ANKRD13D: variants seen among roughly 807,000 people sequenced by gnomAD.
The protein encoded by ANKRD13D is ankyrin repeat domain 13D, also known as ankyrin repeat domain-containing protein 13D.
A neutral mutation model predicts 68.8 loss-of-function variants in ANKRD13D; 24 were observed. The observed-to-expected ratio is 0.35, with a 90% CI of 0.25 to 0.49. The LOEUF (loss-of-function observed/expected upper bound fraction) is 0.49, where lower values mean the gene tolerates loss of function less well. ANKRD13D is among the 20% of genes least tolerant of loss of function. The pLI is 0.99. For synonymous variants in ANKRD13D, 331 were observed against 336.1 expected, an observed-to-expected ratio of 0.98 and a Z score of 0.16; for missense variants, 735 against 832.1, an observed-to-expected ratio of 0.88 and a Z score of 1.44.
chr11:67,292,477 C>G (rs1860602845), intron 6 of ANKRD13D, among the ~76,000 whole-genome samples: 1 of 152,106 alleles, frequency 6.6e-6, no homozygotes, highest in Non-Finnish European at 1.5e-5. Context: ...TTCACGGCAG[C>G]TCTTTGCACC....
chr11:67,291,797 G>A (rs778335339), intron 5 of ANKRD13D, 51 bp downstream of exon 5: 23 of 1,600,482 alleles, frequency 1.4e-5, no homozygotes, highest in East Asian at 1.3e-4. Context: ...GGTTTCCTGC[G>A]GCTTGGGAGG....
chr11:67,301,127 C>G lies in ANKRD13D; in HGVS notation c.1211C>G (p.Pro404Arg), dbSNP rs1479077906. Reference protein sequence around the residue: ...LRDFITLRLPPGFPVKIEIPL... With the variant: ...LRDFITLRLPRGFPVKIEIPL... ...GACTTCATCACTCTGCGCCTTCCAC[C>G]TGGCTTCCCCGTCAAAATTGGTGAG... Residue 404 changes from proline to arginine, a missense_variant, in exon 11 of 15, where the codon CCT becomes CGT. Physicochemically the swap from Pro to Arg is moderately radical, Grantham distance 103. Coordinates refer to ENST00000511455, the MANE Select transcript of ANKRD13D (RefSeq NM_207354.3). This position sits in a 1 kb window ranked among gnomAD's most constrained non-coding sequence, Gnocchi z 4.5. The G allele has an allele frequency of 6.2e-7, 1 of 1,613,912 alleles. No individual in the cohort carries two copies. Among genetic ancestry groups the G allele is most frequent in the Non-Finnish European group, 8.5e-7 (1 of 1,179,902 alleles).
At position 67,299,217 on chromosome 11, in the gene ANKRD13D, T is replaced by C. The variant is rs1860878157; in HGVS notation, c.798+93T>C. 1.3e-6 allele frequency: 2 copies of C among 1,494,020 alleles called. No homozygotes were observed. The highest frequency in any genetic ancestry group is 1.9e-6 in the Non-Finnish European group (2 of 1,080,436). The allele number at this position is 1,494,020 out of a possible 1,614,324, so 92.5% of individuals were successfully genotyped here. A position where few individuals can be genotyped will look rare whatever the true frequency, so the allele number is the denominator to read the frequency against. ...ATCCATCCCAGAGTAGCCCCTGGGC[T>C]CTGGAAACCCTGAGCATTTGTGGGA... On this transcript the variant is annotated intron_variant, in intron 7 of 14. Coordinates refer to ENST00000511455, the MANE Select transcript of ANKRD13D (RefSeq NM_207354.3). The surrounding 1 kb of genome is among the most constrained non-coding windows in gnomAD (Gnocchi z 6.2).
intron 6 of ANKRD13D, among the ~76,000 whole-genome samples, chr11:67,297,718 G>A (rs939064782): frequency 6.7e-6 from 1 of 149,884 alleles, no homozygotes; most frequent in Non-Finnish European, 1.5e-5. Flanking sequence ...GTGGAGATGG[G>A]GTTTCACTGT....
intron 6 of ANKRD13D, among the ~76,000 whole-genome samples, chr11:67,297,360 A>AT (rs563430838): frequency 6.7e-6 from 1 of 149,102 alleles, no homozygotes. Flanking sequence ...GCGCCAGCTA[A>AT]TTTTTTCTGT....
Position 67,301,839 on chromosome 11 carries a change from G to C in ANKRD13D, c.1604+16G>C. 1.3e-6 allele frequency: 2 copies of C among 1,574,424 alleles called. No homozygotes were observed. Among genetic ancestry groups the C allele is most frequent in the East Asian group, 2.3e-5 (1 of 43,404 alleles). ...AGCTGGAGCGGTGAGCCCCTCATGG[G>C]GCTGGCTGGGTCCCTGTCCCCCCAG... is the stretch of plus-strand genomic sequence containing the variant. On this transcript the variant is annotated intron_variant, in intron 14 of 14. Transcript: ENST00000511455. The surrounding 1 kb of genome is among the most constrained non-coding windows in gnomAD (Gnocchi z 4.5).
In ANKRD13D at chr11:67,299,412, T is replaced by G; in HGVS notation, c.799-118T>G. 1.1e-6 allele frequency: 1 copy of G among 907,872 alleles called. No homozygotes were observed. Among genetic ancestry groups the G allele is most frequent in the Non-Finnish European group, 1.7e-6 (1 of 592,990 alleles). The allele number at this position is 907,872 out of a possible 1,614,324, so 56.2% of individuals were successfully genotyped here. ...GTTCAGACCCTGCCACCTCCTCCAT[T>G]TTGGGGAGCAAGATCTCATCTGTCT... On this transcript the variant is annotated intron_variant, in intron 7 of 14. Transcript: ENST00000511455. This position sits in a 1 kb window ranked among gnomAD's most constrained non-coding sequence, Gnocchi z 6.2.
In ANKRD13D at chr11:67,300,520, C is replaced by A; in HGVS notation, c.1073+397C>A. On this transcript the variant is annotated intron_variant, in intron 10 of 14. Transcript: ENST00000511455. The surrounding 1 kb of genome is among the most constrained non-coding windows in gnomAD (Gnocchi z 4.3). ...AGCAGGTATAGGCGGTAACAGCAGG[C>A]ACAGTGCCTGCACAAGCCTAGCGCT... The A allele has an allele frequency of 3.1e-6, 1 of 327,052 alleles. No homozygotes were observed. The allele number at this position is 327,052 out of a possible 1,614,324, so 20.3% of individuals were successfully genotyped here. A position where few individuals can be genotyped will look rare whatever the true frequency, so the allele number is the denominator to read the frequency against.
Position 67,300,365 on chromosome 11 carries a change from T to C in ANKRD13D, c.1073+242T>C. Reference sequence around the variant, plus strand: ...GGTGCCACCCATGTATGGTTTTCTATTGAATTTCATGAGTACCTGCTGGGG... The same window carrying C: ...GGTGCCACCCATGTATGGTTTTCTACTGAATTTCATGAGTACCTGCTGGGG... On this transcript the variant is annotated intron_variant, in intron 10 of 14. Coordinates refer to ENST00000511455, the MANE Select transcript of ANKRD13D (RefSeq NM_207354.3). This position sits in a 1 kb window ranked among gnomAD's most constrained non-coding sequence, Gnocchi z 4.3. 1 of 537,888 alleles carries C rather than the reference T, an allele frequency of 1.9e-6. No homozygotes were observed. The highest frequency in any genetic ancestry group is 1.9e-5 in the African/African-American group (1 of 52,214). 33.3% of individuals were successfully genotyped at this position (537,888 alleles called of 1,614,324 possible). A position where few individuals can be genotyped will look rare whatever the true frequency, so the allele number is the denominator to read the frequency against.
rs749646994 is a variant in ANKRD13D at position 67,290,442 on chromosome 11, G to A, written c.347G>A (p.Arg116His). The A allele has an allele frequency of 6.3e-6, 10 of 1,579,770 alleles. No homozygotes were observed. The highest frequency in any genetic ancestry group is 4.0e-5 in the African/African-American group (3 of 74,486). The change falls in exon 3 of 15, where the codon CGC becomes CAC. Residue 116 changes from arginine to histidine, a missense_variant. Transcript: ENST00000511455. ...AGIPELLNKL[R>H]QAPDFYVEMK... Reference sequence around the variant, plus strand: ...ATTCCGGAACTGCTCAACAAACTTCGCCAGGTACAGCAGGGCACAGTTATG... The same window carrying A: ...ATTCCGGAACTGCTCAACAAACTTCACCAGGTACAGCAGGGCACAGTTATG...
In ANKRD13D at chr11:67,299,839, C is replaced by T; in HGVS notation, c.893C>T (p.Pro298Leu). The change falls in exon 9 of 15, where the codon CCA becomes CTA. Residue 298 changes from proline (P) to leucine (L), a missense_variant. Transcript: ENST00000511455. This position sits in a 1 kb window ranked among gnomAD's most constrained non-coding sequence, Gnocchi z 6.2. Reference sequence around the variant, plus strand: ...CCCTTCTCCGTAGCGGGGAAGACTCCATTCCAGTCCTTCCTGGGGATGGCG... The same window carrying T: ...CCCTTCTCCGTAGCGGGGAAGACTCTATTCCAGTCCTTCCTGGGGATGGCG... ...DKSRSKAGKT[P>L]FQSFLGMAQQ... is the part of the protein sequence containing the mutation. 1 of 1,535,452 alleles carries T rather than the reference C, an allele frequency of 6.5e-7. No homozygotes were observed. Among genetic ancestry groups the T allele is most frequent in the Non-Finnish European group, 8.8e-7 (1 of 1,140,844 alleles).
intron 1 of ANKRD13D, 85 bp downstream of exon 1, chr11:67,289,635 C>G (rs1230680891): frequency 1.6e-5 from 14 of 870,906 alleles, no homozygotes; most frequent in African/African-American, 2.1e-5. Context: ...CCCCCCCCCC[C>G]CCGCCCGCTC....
In ANKRD13D at chr11:67,291,828, C is replaced by G. The variant is rs922751505; in HGVS notation, c.541+82C>G. On this transcript the variant is annotated intron_variant, in intron 5 of 14. Coordinates refer to ENST00000511455, the MANE Select transcript of ANKRD13D (RefSeq NM_207354.3). ...GGAGGACGGTGCTGCCTTTTCTCTC[C>G]ACTTTCCAGATGTGGAAGCTGAGGT... is the stretch of plus-strand genomic sequence containing the variant. The G allele has an allele frequency of 3.8e-6, 6 of 1,559,926 alleles. No homozygotes were observed. In the African/African-American group the frequency reaches 8.1e-5, roughly 21 times the overall value.
chr11:67,296,047 C>T lies in ANKRD13D; in HGVS notation c.732-3011C>T, dbSNP rs532866676. Reference sequence around the variant, plus strand: ...AATTGACCTATGGATATTGAACCAACCTTGCATTCCTGTGATAAGTTCCAC... The same window carrying T: ...AATTGACCTATGGATATTGAACCAATCTTGCATTCCTGTGATAAGTTCCAC... On this transcript the variant is annotated intron_variant, in intron 6 of 14. Coordinates refer to ENST00000511455, the MANE Select transcript of ANKRD13D (RefSeq NM_207354.3). Among the ~76,000 whole-genome samples the T allele has an allele frequency of 5.9e-5, 9 of 152,266 alleles. No homozygotes were observed. In the East Asian group the frequency reaches 1.5e-3, roughly 26 times the overall value.
chr11:67,301,272 C>T lies in ANKRD13D; in HGVS notation c.1232-10C>T. On this transcript the variant is annotated splice_polypyrimidine_tract_variant and intron_variant, in intron 11 of 14. Transcript: ENST00000511455. The surrounding 1 kb of genome is among the most constrained non-coding windows in gnomAD (Gnocchi z 4.5). ...TCCGCCAGGGCTCAGGCGTGGCTGTCTTCTCACAGAGATTCCCCTTTTCCA... is the reference window on the plus strand; with the variant it reads ...TCCGCCAGGGCTCAGGCGTGGCTGTTTTCTCACAGAGATTCCCCTTTTCCA... The T allele has an allele frequency of 1.9e-6, 3 of 1,607,938 alleles. No homozygotes were observed. The highest frequency in any genetic ancestry group is 2.5e-6 in the Non-Finnish European group (3 of 1,176,594).
chr11:67,302,441 C>G lies in ANKRD13D; in HGVS notation c.*109C>G. On this transcript the variant is annotated 3_prime_UTR_variant, in exon 15 of 15. Coordinates refer to ENST00000511455, the MANE Select transcript of ANKRD13D (RefSeq NM_207354.3). Reference sequence around the variant, plus strand: ...TGGGGCCTGGAGCCCCAGGAATGAGCAGGCAGGGGAGACTGAGATGGAAAT... The same window carrying G: ...TGGGGCCTGGAGCCCCAGGAATGAGGAGGCAGGGGAGACTGAGATGGAAAT... The G allele has an allele frequency of 7.2e-7, 1 of 1,387,410 alleles. No homozygotes were observed. Among genetic ancestry groups the G allele is most frequent in the Non-Finnish European group, 9.5e-7 (1 of 1,050,760 alleles). The allele number at this position is 1,387,410 out of a possible 1,614,324, so 85.9% of individuals were successfully genotyped here.
intron 6 of ANKRD13D, among the ~76,000 whole-genome samples, chr11:67,296,877 C>T (rs561342169): frequency 6.6e-6 from 1 of 152,124 alleles, no homozygotes; most frequent in Admixed American, 6.6e-5. Flanking sequence ...CTGCCTTGGC[C>T]TCCCAAAGCA....
chr11:67,301,043 A>T lies in ANKRD13D; in HGVS notation c.1127A>T (p.Gln376Leu). Residue 376 changes from glutamine to leucine, a missense_variant, in exon 11 of 15, where the codon CAG becomes CTG. Gln to Leu is a moderately radical substitution (Grantham distance 113, BLOSUM62 -2). Transcript: ENST00000511455. The surrounding 1 kb of genome is among the most constrained non-coding windows in gnomAD (Gnocchi z 4.5). ...SEEHPLSLGD[Q>L]VTPIIDLMAI... ...GAGCACCCGCTCTCCCTGGGTGACC[A>T]GGTGACCCCCATCATCGACCTAATG... 6.2e-7 allele frequency: 1 copy of T among 1,614,010 alleles called. No individual in the cohort carries two copies. Among genetic ancestry groups the T allele is most frequent in the Non-Finnish European group, 8.5e-7 (1 of 1,180,016 alleles).
intron 6 of ANKRD13D, among the ~76,000 whole-genome samples, chr11:67,297,126 C>G (rs990628439): frequency 1.4e-4 from 21 of 152,132 alleles, no homozygotes; most frequent in African/African-American, 5.1e-4. Context: ...ATTGTCTTAA[C>G]ATGGAAGGTT....
Sources: gnomAD v4.1 joint callset for allele counts (sites outside exome capture counted in the v4.1 genomes callset) on GRCh38, gnomAD v4.1.1 for gene constraint, Gnocchi (gnomAD v3.1) non-coding constraint, MANE v1.5 for transcripts, NCBI Gene and HGNC (gene_info 2026-07-23, HGNC 2026-07-21) for gene names.